Variants in EGFL7 observed in about 807,000 individuals in gnomAD.
The protein encoded by EGFL7 is epidermal growth factor-like protein 7.
EGFL7 carries 48 observed loss-of-function variants against 37.1 expected under a neutral mutation model. The observed-to-expected ratio is 1.29, with a 90% CI of 1.03 to 1.65. The LOEUF is 1.65. EGFL7 is among the 40% of genes most tolerant of loss of function. The pLI is 0.00. For synonymous variants in EGFL7, 180 were observed against 156.8 expected (o/e 1.15, Z -1.10); for missense variants, 384 against 378.9 (o/e 1.01, Z -0.11).
Position 136,666,325 on chromosome 9 carries a change from C to A in EGFL7, c.-43+1540C>A, listed in dbSNP as rs2119106445. Among the ~76,000 whole-genome samples, 1 of 151,794 alleles carries A rather than the reference C, an allele frequency of 6.6e-6. No homozygotes were observed. Among genetic ancestry groups the A allele is most frequent in the East Asian group, 1.9e-4 (1 of 5,152 alleles). On this transcript the variant is annotated intron_variant, in intron 3 of 10. Transcript: ENST00000308874. The surrounding 1 kb of genome is among the most constrained non-coding windows in gnomAD (Gnocchi z 6.8). ...GCCAGTGCCTGCGGCGCAGCCAGGCCCCTCCCTCTGCGGACCCGGCCTCTC... is the reference window on the plus strand; with the variant it reads ...GCCAGTGCCTGCGGCGCAGCCAGGCACCTCCCTCTGCGGACCCGGCCTCTC...
rs1157517024 is a variant in EGFL7 at position 136,670,063 on chromosome 9, C to T, written c.409+54C>T. 2.5e-6 allele frequency: 4 copies of T among 1,591,760 alleles called. No homozygotes were observed. In the Admixed American group the frequency reaches 5.1e-5, roughly 20 times the overall value. On this transcript the variant is annotated intron_variant, in intron 7 of 10. Transcript: ENST00000308874. ...TGGAAGGGTCCTGGGCACCTCCTTG[C>T]ATGTCCTGGGGTTACTGCTGGCCCA...
At chr9:136,672,192 CCAGT>C in intron 10 of EGFL7, 68 bp from the exon 11 acceptor site, 2 of 1,610,564 alleles carry the variant, frequency 1.2e-6, no homozygotes, top group East Asian at 2.2e-5. Flanking sequence ...GGCCAAGGGG[CCAGT>C]CAGATCTAGC....
Position 136,671,909 on chromosome 9 carries a change from C to T in EGFL7, c.637-17C>T. On this transcript the variant is annotated splice_polypyrimidine_tract_variant and intron_variant, in intron 9 of 10. Transcript: ENST00000308874. The stretch of plus-strand genomic sequence containing the variant: ...GGCGGGGGCCGGCCCAGGGTCACTG[C>T]CCTTCTGCACCCACAGAAGCTGCAG... The T allele has an allele frequency of 6.8e-7, 1 of 1,481,392 alleles. No homozygotes were observed. The highest frequency in any genetic ancestry group is 1.3e-5 in the South Asian group (1 of 76,118). 91.8% of individuals were successfully genotyped at this position (1,481,392 alleles called of 1,614,324 possible).
chr9:136,665,420 G>A (rs1264274892), intron 3 of EGFL7, among the ~76,000 whole-genome samples: 1 of 152,220 alleles, frequency 6.6e-6, no homozygotes, highest in African/African-American at 2.4e-5. Context: ...TTCAGCCTGG[G>A]GGGCTTGAAA....
upstream of EGFL7, among the ~76,000 whole-genome samples, chr9:136,660,812 G>A (rs1845099510): frequency 6.6e-6 from 1 of 152,172 alleles, no homozygotes; most frequent in Non-Finnish European, 1.5e-5. Flanking sequence ...AGGAAGGAAG[G>A]GTGAGGCAGC....
Position 136,672,483 on chromosome 9 carries a change from G to A in EGFL7, c.*197G>A, listed in dbSNP as rs914088780. The A allele has an allele frequency of 1.2e-5, 8 of 671,844 alleles. 1 individual carries two copies. Among genetic ancestry groups the A allele is most frequent in the South Asian group, 1.1e-4 (6 of 53,724 alleles). 41.6% of individuals were successfully genotyped at this position (671,844 alleles called of 1,614,324 possible). A position where few individuals can be genotyped will look rare whatever the true frequency, so the allele number is the denominator to read the frequency against. Reference sequence around the variant, plus strand: ...CATGGGATGGGCTGGGATCTTCTCTGTGAATCCACCCCTGGCTACCCCCAC... The same window carrying A: ...CATGGGATGGGCTGGGATCTTCTCTATGAATCCACCCCTGGCTACCCCCAC... On this transcript the variant is annotated 3_prime_UTR_variant, in exon 11 of 11. Transcript: ENST00000308874.
intron 8 of EGFL7, 37 bp downstream of exon 8, chr9:136,670,367 G>A: frequency 6.6e-7 from 1 of 1,510,254 alleles, no homozygotes; most frequent in Admixed American, 2.1e-5. Flanking sequence ...TGGGGAGGCG[G>A]GCAGGCAGTG....
rs745759124 is a variant in EGFL7 at position 136,666,535 on chromosome 9, C to T, written c.-42-1706C>T. 6.6e-6 allele frequency among the ~76,000 whole-genome samples: 1 copy of T among 152,144 alleles called. No individual in the cohort carries two copies. The highest frequency in any genetic ancestry group is 1.5e-5 in the Non-Finnish European group (1 of 67,998). Reference sequence around the variant, plus strand: ...TGCAGCACCGGCTCGGAGAGCACCACGGGCTTCCTCTGGCCTCGGGAAAAC... The same window carrying T: ...TGCAGCACCGGCTCGGAGAGCACCATGGGCTTCCTCTGGCCTCGGGAAAAC... On this transcript the variant is annotated intron_variant, in intron 3 of 10. Transcript: ENST00000308874. This position sits in a 1 kb window ranked among gnomAD's most constrained non-coding sequence, Gnocchi z 6.8.
rs1845456872 is a variant in EGFL7 at position 136,666,106 on chromosome 9, C to T, written c.-43+1321C>T. ...GGCGCGGCGGGGAGGGCCGGGGTCG[C>T]CGCGGCCCCTCGTCCGACCCGGCGC... On this transcript the variant is annotated intron_variant, in intron 3 of 10. Transcript: ENST00000308874. This position sits in a 1 kb window ranked among gnomAD's most constrained non-coding sequence, Gnocchi z 6.8. Among the ~76,000 whole-genome samples the T allele has an allele frequency of 6.8e-6, 1 of 147,364 alleles. No homozygotes were observed. Among genetic ancestry groups the T allele is most frequent in the Admixed American group, 6.7e-5 (1 of 14,818 alleles).
Position 136,668,651 on chromosome 9 carries a change from C to T in EGFL7, c.175C>T (p.His59Tyr), listed in dbSNP as rs998201166. Reference protein sequence around the residue: ...YQPFLTTCDGHRACSTYRTIY... With the variant: ...YQPFLTTCDGYRACSTYRTIY... The stretch of plus-strand genomic sequence containing the variant: ...GCCCTTCCTCACCACCTGCGACGGG[C>T]ACCGGGCCTGCAGCACCTACCGGTG... Residue 59 changes from histidine to tyrosine, a missense_variant, in exon 5 of 11, where the codon CAC (histidine) becomes TAC (tyrosine). By Grantham distance (83) the His-to-Tyr change is moderately conservative. Transcript: ENST00000308874. The T allele has an allele frequency of 6.9e-6, 11 of 1,603,954 alleles. No individual in the cohort carries two copies. The highest frequency in any genetic ancestry group is 3.3e-4 in the Middle Eastern group (2 of 6,054).
At chr9:136,669,570 A>T in intron 5 of EGFL7, 36 bp from the exon 6 acceptor site, 1 of 1,497,284 alleles carries the variant, frequency 6.7e-7, no homozygotes, top group Non-Finnish European at 9.2e-7. Context: ...AAGGGGGAGT[A>T]GGATGCCCCT....
chr9:136,672,463 G>A lies in EGFL7; in HGVS notation c.*177G>A, dbSNP rs1472975723. 5.5e-6 allele frequency: 4 copies of A among 724,602 alleles called. No individual in the cohort carries two copies. Among genetic ancestry groups the A allele is most frequent in the Non-Finnish European group, 4.5e-6 (2 of 439,910 alleles). 44.9% of individuals were successfully genotyped at this position (724,602 alleles called of 1,614,324 possible). ...GGAGGCTCCCCAGACCCTGGCATGGGATGGGCTGGGATCTTCTCTGTGAAT... is the reference window on the plus strand; with the variant it reads ...GGAGGCTCCCCAGACCCTGGCATGGAATGGGCTGGGATCTTCTCTGTGAAT... On this transcript the variant is annotated 3_prime_UTR_variant, in exon 11 of 11. Coordinates refer to ENST00000308874, the MANE Select transcript of EGFL7 (RefSeq NM_016215.5).
intron 3 of EGFL7, 73 bp from the exon 4 acceptor site, chr9:136,668,168 G>A (rs1260388221): frequency 5.8e-6 from 5 of 861,552 alleles, no homozygotes; most frequent in Non-Finnish European, 5.3e-6. Flanking sequence ...AGGCCTCGCG[G>A]AGCAAGTGCA....
chr9:136,665,261 T>C (rs112511294), intron 3 of EGFL7, among the ~76,000 whole-genome samples: 2,027 of 152,290 alleles, frequency 0.013, 48 homozygotes, highest in African/African-American at 0.046. Context: ...CCATGTGGTC[T>C]CAGAGGAGAT....
intron 5 of EGFL7, 55 bp from the exon 6 acceptor site, chr9:136,669,551 C>T: frequency 1.5e-6 from 2 of 1,336,148 alleles, no homozygotes; most frequent in South Asian, 1.2e-5. Flanking sequence ...AGATGCCCAG[C>T]AGGTGACTAA....
At chr9:136,663,803 C>T (rs985225077) in intron 2 of EGFL7, among the ~76,000 whole-genome samples, 180 bp downstream of exon 2, 1 of 152,156 alleles carries the variant, frequency 6.6e-6, no homozygotes, top group Non-Finnish European at 1.5e-5. Context: ...CTAGAAGGCC[C>T]CACTTTTTGT....
chr9:136,667,242 C>G (rs148819537), intron 3 of EGFL7, among the ~76,000 whole-genome samples: 718 of 152,310 alleles, frequency 4.7e-3, no homozygotes, highest in Non-Finnish European at 7.1e-3. Flanking sequence ...GAAGGGACAG[C>G]CTTACCCCAG....
chr9:136,660,617 G>A (rs1033120249), upstream of EGFL7, among the ~76,000 whole-genome samples: 1 of 152,166 alleles, frequency 6.6e-6, no homozygotes. Flanking sequence ...CCCCTTGCCT[G>A]TAAGCACAGC....
chr9:136,672,161 TGGG>T, intron 10 of EGFL7, 73 bp downstream of exon 10: 3 of 1,590,480 alleles, frequency 1.9e-6, no homozygotes, highest in Non-Finnish European at 2.6e-6. Flanking sequence ...TACCCAGGCT[TGGG>T]GGTCGGGGGC....
Sources: gnomAD v4.1 joint callset for allele counts (sites outside exome capture counted in the v4.1 genomes callset) on GRCh38, gnomAD v4.1.1 for gene constraint, Gnocchi (gnomAD v3.1) non-coding constraint, MANE v1.5 for transcripts, NCBI Gene and HGNC (gene_info 2026-07-23, HGNC 2026-07-21) for gene names.